The following CUL2 variants were observed in gnomAD, a reference collection of about 807,000 sequenced individuals.
CUL2 encodes the protein cullin-2.
Under a neutral mutation model 110.2 loss-of-function variants are expected in CUL2, and 22 were observed. The observed-to-expected ratio is 0.20, with a 90% CI of 0.14 to 0.28. CUL2 has a LOEUF of 0.28. CUL2 is among the 10% of genes least tolerant of loss of function. The probability of loss-of-function intolerance (pLI) is 1.00; values close to 1 mark genes in which losing one functional copy is unlikely to be tolerated. For synonymous variants in CUL2, 279 were observed against 293.2 expected (o/e 0.95, Z 0.49); for missense variants, 631 against 905.5 (o/e 0.70, Z 3.89).
Position 35,009,319 on chromosome 10 carries a change from T to C in CUL2, c.*992A>G, listed in dbSNP as rs2084842949. 2.0e-5 allele frequency: 3 copies of C among 151,698 alleles called. No homozygotes were observed. The highest frequency in any genetic ancestry group is 7.3e-5 in the African/African-American group (3 of 41,300). 9.4% of individuals were successfully genotyped at this position (151,698 alleles called of 1,614,324 possible). On this transcript the variant is annotated 3_prime_UTR_variant, in exon 21 of 21. Coordinates refer to ENST00000374749, the MANE Select transcript of CUL2 (RefSeq NM_003591.4). ...TTTAGGTTATGCATTGCTAAGCACA[T>C]CTGTGATTGATGAGAGTGACTCTAG...
At chr10:35,045,714 C>T (rs533754733) in intron 6 of CUL2, among the ~76,000 whole-genome samples, 1 of 151,896 alleles carries the variant, frequency 6.6e-6, no homozygotes, top group African/African-American at 2.4e-5. Context: ...AAGACCCTGT[C>T]TCAAAAATTA....
chr10:35,083,364 T>G (rs1291826971), intron 1 of CUL2, among the ~76,000 whole-genome samples: 1 of 152,130 alleles, frequency 6.6e-6, no homozygotes, highest in East Asian at 1.9e-4. Context: ...TAGATGTTTG[T>G]GTATGCATGG....
chr10:35,019,699 GC>G (rs1445395464), intron 17 of CUL2, among the ~76,000 whole-genome samples: 1 of 152,148 alleles, frequency 6.6e-6, no homozygotes, highest in Non-Finnish European at 1.5e-5. Flanking sequence ...TAAAGAGCGG[GC>G]AGAACTCTCA....
chr10:35,092,670 A>G (rs556669817), upstream of CUL2, among the ~76,000 whole-genome samples: 5 of 152,306 alleles, frequency 3.3e-5, no homozygotes, highest in African/African-American at 1.2e-4. Context: ...CATTGATTTA[A>G]TCTTGCTTCT....
intron 6 of CUL2, 126 bp from the exon 7 acceptor site, chr10:35,044,994 G>A (rs2085897289): frequency 1.6e-6 from 1 of 608,360 alleles, no homozygotes; most frequent in Non-Finnish European, 2.9e-6. Context: ...ACTATAAAAA[G>A]GTACATGCAT....
intron 6 of CUL2, among the ~76,000 whole-genome samples, chr10:35,049,445 C>T (rs1170090533): frequency 2.0e-5 from 3 of 150,166 alleles, no homozygotes; most frequent in East Asian, 1.9e-4. Flanking sequence ...ATATACTAAG[C>T]ATATTAGGGT....
chr10:35,124,426 A>T (rs2087714644), intron 1 of CUL2, among the ~76,000 whole-genome samples: 1 of 151,996 alleles, frequency 6.6e-6, no homozygotes. Context: ...TAAAAATAAA[A>T]ATTAAATTAA....
At chr10:35,040,747 G>T (rs971833083) in intron 8 of CUL2, among the ~76,000 whole-genome samples, 2 of 152,156 alleles carry the variant, frequency 1.3e-5, no homozygotes, top group African/African-American at 4.8e-5. Flanking sequence ...GGCATTGGTG[G>T]GGGCAGGTGG....
intron 1 of CUL2, among the ~76,000 whole-genome samples, chr10:35,073,152 G>T (rs578207901): frequency 6.6e-6 from 1 of 152,304 alleles, no homozygotes; most frequent in Non-Finnish European, 1.5e-5. Context: ...GGTATGCCTT[G>T]TTGAACCACA....
intron 18 of CUL2, among the ~76,000 whole-genome samples, chr10:35,015,930 C>A (rs1254088879): frequency 6.6e-6 from 1 of 152,164 alleles, no homozygotes; most frequent in Non-Finnish European, 1.5e-5. Context: ...TTCCAGATGG[C>A]AATTCTTTTA....
chr10:35,032,403 TA>T (rs764953983), intron 12 of CUL2, 31 bp downstream of exon 12: 1 of 1,560,082 alleles, frequency 6.4e-7, no homozygotes, highest in Non-Finnish European at 8.7e-7. Flanking sequence ...TGACTTTTCA[TA>T]AGATTACTTT....
chr10:35,016,141 A>G (rs1451553827), intron 18 of CUL2, 51 bp downstream of exon 18: 3 of 1,473,178 alleles, frequency 2.0e-6, no homozygotes, highest in South Asian at 1.2e-5. Context: ...CATCTCATGA[A>G]AAAGCTTTAA....
At chr10:35,104,949 G>C (rs1000376075) in intron 1 of CUL2, among the ~76,000 whole-genome samples, 5 of 151,816 alleles carry the variant, frequency 3.3e-5, no homozygotes, top group Admixed American at 2.0e-4. Flanking sequence ...GGCTGGTCTC[G>C]AATTCCCGAC....
chr10:35,122,771 G>C (rs1159799115), intron 1 of CUL2, among the ~76,000 whole-genome samples: 1 of 152,134 alleles, frequency 6.6e-6, no homozygotes. Context: ...TTAAGTAGCT[G>C]GGATTACAGG....
chr10:35,111,658 C>T (rs192267541), intron 1 of CUL2, among the ~76,000 whole-genome samples: 90 of 152,224 alleles, frequency 5.9e-4, no homozygotes, highest in Middle Eastern at 3.4e-3. Context: ...GATGCCGAGA[C>T]GGGTGGATCA....
chr10:35,051,330 C>A (rs531944222), intron 5 of CUL2, among the ~76,000 whole-genome samples: 1 of 124,820 alleles, frequency 8.0e-6, no homozygotes, highest in East Asian at 2.7e-4. Flanking sequence ...AGAAAAAAAA[C>A]CGGCCAGGCG....
intron 1 of CUL2, among the ~76,000 whole-genome samples, chr10:35,079,056 G>A (rs1360851909): frequency 1.3e-5 from 2 of 152,126 alleles, no homozygotes; most frequent in Non-Finnish European, 2.9e-5. Flanking sequence ...AAGGGGATAC[G>A]TTTCAAGATC....
rs1415796573 is a variant in CUL2 at position 35,032,448 on chromosome 10, T to C, written c.1157A>G (p.Lys386Arg). Residue 386 changes from lysine (K) to arginine (R), a missense_variant, in exon 12 of 21, where the codon AAA becomes AGA. This residue lies in a region of CUL2 where 134 missense variants were observed against 260.4 expected (regional missense o/e 0.51). Coordinates refer to ENST00000374749, the MANE Select transcript of CUL2 (RefSeq NM_003591.4). ...CACCAAACTTACCAGTTCAGGTGCT[T>C]TGCAAACAGACTTAGGTTCTCTGTA... ...VNYREPKSVC[K>R]APELLAKYCD... is the part of the protein sequence containing the mutation. The C allele has an allele frequency of 2.5e-6, 4 of 1,593,126 alleles. No homozygotes were observed. The highest frequency in any genetic ancestry group is 3.4e-6 in the Non-Finnish European group (4 of 1,173,582).
At chr10:35,016,655 A>G (rs2085040857) in intron 17 of CUL2, among the ~76,000 whole-genome samples, 1 of 152,202 alleles carries the variant, frequency 6.6e-6, no homozygotes, top group South Asian at 2.1e-4. Context: ...GGCCAGGCGC[A>G]GCGGCTCACG....
Sources: allele counts gnomAD v4.1 joint callset (sites outside exome capture counted in the v4.1 genomes callset), GRCh38; gene constraint gnomAD v4.1.1; regional missense constraint gnomAD v4.1.1; transcripts MANE v1.5; gene names NCBI Gene and HGNC (gene_info 2026-07-23, HGNC 2026-07-21).